Variants in SRPK2 observed in about 807,000 individuals in gnomAD.
SRPK2 encodes the protein SFRS protein kinase 2.
A neutral mutation model predicts 90.8 loss-of-function variants in SRPK2; 21 were observed. The ratio of observed to expected loss-of-function variants is 0.23; its 90% CI spans 0.16 to 0.33. The LOEUF (loss-of-function observed/expected upper bound fraction) is 0.33, where lower values mean the gene tolerates loss of function less well. Ranked by LOEUF, SRPK2 falls within the 10% of genes least tolerant of loss-of-function variation. SRPK2 has a pLI of 1.00. For missense variants in SRPK2, 620 were observed against 869.0 expected (o/e 0.71, Z 3.60); for synonymous variants, 288 against 311.1 (o/e 0.93, Z 0.78).
At chr7:105,313,840 T>TAAAAAG (rs1812009985) in intron 2 of SRPK2, among the ~76,000 whole-genome samples, 1 of 151,554 alleles carries the variant, frequency 6.6e-6, no homozygotes, top group Admixed American at 6.6e-5. Flanking sequence ...TTTTCTTATT[T>TAAAAAG]AAAAAGAAAA....
intron 3 of SRPK2, among the ~76,000 whole-genome samples, chr7:105,183,466 G>T (rs1563050610): frequency 6.6e-6 from 1 of 151,660 alleles, no homozygotes; most frequent in Non-Finnish European, 1.5e-5. Context: ...TGGCTAGCGG[G>T]TTTTTTTTGT....
At chr7:105,174,017 G>T (rs1479999969) in intron 3 of SRPK2, among the ~76,000 whole-genome samples, 1 of 149,630 alleles carries the variant, frequency 6.7e-6, no homozygotes, top group East Asian at 2.0e-4. Flanking sequence ...GGCTGAGGCA[G>T]GTGGATTGTT....
intron 2 of SRPK2, among the ~76,000 whole-genome samples, chr7:105,225,737 T>A (rs1386330914): frequency 1.3e-5 from 2 of 152,194 alleles, no homozygotes; most frequent in East Asian, 3.9e-4. Flanking sequence ...AATTCAGTAA[T>A]TTTTTTCCCA....
chr7:105,204,574 A>C, intron 2 of SRPK2: 1 of 480,480 alleles, frequency 2.1e-6, no homozygotes, highest in Admixed American at 2.6e-5. Flanking sequence ...CACTAATAAA[A>C]CTACCACTGA....
intron 2 of SRPK2, among the ~76,000 whole-genome samples, chr7:105,255,929 A>AG (rs1226760711): frequency 4.1e-5 from 5 of 121,990 alleles, no homozygotes; most frequent in Admixed American, 2.5e-4. Flanking sequence ...CTCAAATTGA[A>AG]AAAAAAAAAA....
In SRPK2 at chr7:105,378,513, C is replaced by T. The variant is rs545454178; in HGVS notation, c.71+10135G>A. On this transcript the variant is annotated intron_variant, in intron 2 of 15. Transcript: ENST00000393651. ...GGCCTGGTGGCTCACGCCTGTAATC[C>T]CAGCACTTTGGGAGGCCGAGGTGGG... is the stretch of plus-strand genomic sequence containing the variant. Among the ~76,000 whole-genome samples the T allele has an allele frequency of 2.0e-5, 3 of 152,090 alleles. No individual in the cohort carries two copies. In the South Asian group the frequency reaches 6.2e-4, roughly 32 times the overall value.
intron 2 of SRPK2, among the ~76,000 whole-genome samples, chr7:105,368,194 A>T (rs778008605): frequency 7.9e-5 from 12 of 152,230 alleles, no homozygotes; most frequent in Non-Finnish European, 1.5e-4. Flanking sequence ...TAAAATAAAA[A>T]AAGTTTTTAA....
chr7:105,362,935 G>T (rs546992483), intron 2 of SRPK2, among the ~76,000 whole-genome samples: 1 of 151,990 alleles, frequency 6.6e-6, no homozygotes, highest in Non-Finnish European at 1.5e-5. Flanking sequence ...GCAAACTATC[G>T]CATGGACAGA....
At chr7:105,251,362 G>A (rs1352989268) in intron 2 of SRPK2, among the ~76,000 whole-genome samples, 1 of 152,076 alleles carries the variant, frequency 6.6e-6, no homozygotes, top group African/African-American at 2.4e-5. Context: ...AAGAAAGGAG[G>A]CAAGCTTTTT....
rs377154706 is a variant in SRPK2 at position 105,388,260 on chromosome 7, G to A, written c.71+388C>T. Among the ~76,000 whole-genome samples, 16 of 151,900 alleles carry A rather than the reference G, an allele frequency of 1.1e-4. No individual in the cohort carries two copies. In the East Asian group the frequency reaches 1.8e-3, roughly 17 times the overall value. On this transcript the variant is annotated intron_variant, in intron 2 of 15. Coordinates refer to ENST00000393651, the MANE Select transcript of SRPK2 (RefSeq NM_182692.3). Reference sequence around the variant, plus strand: ...ACGCAGCCGCTGCACTCCCGCAGCGGGCGGGCCGGAGCCCAGCGGCAGACG... The same window carrying A: ...ACGCAGCCGCTGCACTCCCGCAGCGAGCGGGCCGGAGCCCAGCGGCAGACG...
In SRPK2 at chr7:105,373,428, A is replaced by C. The variant is rs188463283; in HGVS notation, c.71+15220T>G. ...CCTTTTTTTTTTTTTTTTGAAACAA[A>C]GTCTCACTCTGTTGCCCAGGATGGA... is the stretch of plus-strand genomic sequence containing the variant. On this transcript the variant is annotated intron_variant, in intron 2 of 15. Transcript: ENST00000393651. 4.2e-3 allele frequency among the ~76,000 whole-genome samples: 632 copies of C among 149,240 alleles called. 10 individuals are homozygous for C. The East Asian group carries it at 0.051, about 12-fold the overall frequency.
intron 2 of SRPK2, chr7:105,302,148 T>C (rs1446386881): frequency 1.7e-6 from 2 of 1,155,318 alleles, no homozygotes; most frequent in Non-Finnish European, 2.6e-6. Flanking sequence ...TTCAAAATCT[T>C]TCATTACCAT....
Position 105,177,838 on chromosome 7 carries a change from C to T in SRPK2, c.230-8573G>A, listed in dbSNP as rs182845555. On this transcript the variant is annotated intron_variant, in intron 3 of 15. Transcript: ENST00000393651. ...GAGATCGAGACCACCCTGGCTAACA[C>T]GGTGAAACCTCATCTCTACTAAAAA... is the stretch of plus-strand genomic sequence containing the variant. Among the ~76,000 whole-genome samples, 59 of 152,046 alleles carry T rather than the reference C, an allele frequency of 3.9e-4. 1 individual carries two copies. Among genetic ancestry groups the T allele is most frequent in the Admixed American group, 2.0e-3 (31 of 15,280 alleles).
At chr7:105,195,359 G>C (rs1241441658) in intron 3 of SRPK2, among the ~76,000 whole-genome samples, 20 of 152,278 alleles carry the variant, frequency 1.3e-4, no homozygotes, top group Middle Eastern at 3.4e-3. Context: ...TGCTAAATAT[G>C]TTTTGTAAAA....
At chr7:105,303,869 G>A (rs1336773973) in intron 2 of SRPK2, among the ~76,000 whole-genome samples, 3 of 152,144 alleles carry the variant, frequency 2.0e-5, no homozygotes, top group African/African-American at 4.8e-5. Flanking sequence ...GAAAACGTTT[G>A]GAAGAAATTT....
chr7:105,260,336 C>A (rs559589994), intron 2 of SRPK2, among the ~76,000 whole-genome samples: 60 of 152,250 alleles, frequency 3.9e-4, no homozygotes, highest in African/African-American at 1.2e-3. Context: ...CAATGAGATA[C>A]CATCTCACAC....
At chr7:105,393,878 T>C (rs568443071), upstream of SRPK2, among the ~76,000 whole-genome samples, 3 of 151,990 alleles carry the variant, frequency 2.0e-5, no homozygotes, top group South Asian at 6.2e-4. Flanking sequence ...AGGGAGGTTA[T>C]AGTGAACTAT....
rs146192220 is a variant in SRPK2, at chr7:105,258,837, C to T, written c.72-55052G>A. On this transcript the variant is annotated intron_variant, in intron 2 of 15. Coordinates refer to ENST00000393651, the MANE Select transcript of SRPK2 (RefSeq NM_182692.3). ...AAAGGCCTTCAACAAAATTCAACAG[C>T]CCTTCATGCTAAAAACGCTCAGTAA... Among the ~76,000 whole-genome samples, 346 of 152,284 alleles carry T rather than the reference C, an allele frequency of 2.3e-3. 1 individual carries two copies. The highest frequency in any genetic ancestry group is 8.0e-3 in the African/African-American group (333 of 41,556).
chr7:105,183,464 G>T (rs989825212), intron 3 of SRPK2, among the ~76,000 whole-genome samples: 3 of 151,942 alleles, frequency 2.0e-5, no homozygotes, highest in African/African-American at 7.3e-5. Context: ...AATGGCTAGC[G>T]GGTTTTTTTT....
Sources: gnomAD v4.1 joint callset for allele counts (sites outside exome capture counted in the v4.1 genomes callset) on GRCh38, gnomAD v4.1.1 for gene constraint, MANE v1.5 for transcripts, NCBI Gene and HGNC (gene_info 2026-07-23, HGNC 2026-07-21) for gene names.